Variants in LAMA2 observed in about 807,000 individuals in gnomAD.
LAMA2 encodes the protein laminin subunit alpha 2, also known as laminin subunit alpha-2.
LAMA2 carries 269 observed loss-of-function variants against 364.8 expected under a neutral mutation model. The ratio of observed to expected loss-of-function variants is 0.74; its 90% CI spans 0.67 to 0.82. The LOEUF (loss-of-function observed/expected upper bound fraction) is 0.82. LAMA2 is among the 40% of genes least tolerant of loss of function. The pLI, the probability that LAMA2 is intolerant of heterozygous loss-of-function variation, is 0.00. For missense variants in LAMA2, 3,807 were observed against 3,873.2 expected (o/e 0.98, Z 0.45); for synonymous variants, 1,379 against 1,370.6 (o/e 1.01, Z -0.14).
chr6:129,169,277 T>A (rs28768378), intron 9 of LAMA2, among the ~76,000 whole-genome samples: 39,182 of 134,860 alleles, frequency 0.29, 8,896 homozygotes, highest in African/African-American at 0.66. Context: ...TTGCCCATTC[T>A]GTATGATACT....
chr6:129,449,579 A>C (rs932079360), intron 45 of LAMA2, among the ~76,000 whole-genome samples: 4 of 152,264 alleles, frequency 2.6e-5, no homozygotes, highest in Non-Finnish European at 5.9e-5. Flanking sequence ...TGTTGGACAC[A>C]TTCAAGCCAT....
At chr6:129,508,256 G>A (rs1009591137) in intron 62 of LAMA2, among the ~76,000 whole-genome samples, 6 of 152,138 alleles carry the variant, frequency 3.9e-5, no homozygotes, top group Admixed American at 2.6e-4. Context: ...TGGGTACACA[G>A]TGGGTGTATA....
Position 129,291,716 on chromosome 6 carries a change from G to A in LAMA2, c.2852G>A (p.Cys951Tyr). ...GTTCAGGGTCAGAGATGTGACAAAT[G>A]CAAGGTAAGGAGTAGAGGCTGACCC... Reference protein sequence around the residue: ...ANVQGQRCDKCKAGTFGLQSA... With the variant: ...ANVQGQRCDKYKAGTFGLQSA... The change falls in exon 20 of 65, where the codon TGC becomes TAC. Residue 951 changes from cysteine (C) to tyrosine (Y), a missense_variant. Cys to Tyr is a radical substitution (Grantham distance 194, BLOSUM62 -2). Around this residue, in one of 3 missense-constraint regions of LAMA2, gnomAD observed 3,333 missense variants for 3,345.7 expected, o/e 1.00. Coordinates refer to ENST00000421865, the MANE Select transcript of LAMA2 (RefSeq NM_000426.4). 1 of 1,606,282 alleles carries A rather than the reference G, an allele frequency of 6.2e-7. No homozygotes were observed. Among genetic ancestry groups the A allele is most frequent in the Non-Finnish European group, 8.5e-7 (1 of 1,172,922 alleles).
At chr6:129,065,902 A>G (rs1789264084) in intron 3 of LAMA2, among the ~76,000 whole-genome samples, 2 of 151,776 alleles carry the variant, frequency 1.3e-5, no homozygotes, top group Middle Eastern at 3.4e-3. Context: ...CATTTTCCTC[A>G]TTCTCTCCTT....
At chr6:129,494,325 A>G (rs1315663202) in intron 58 of LAMA2, among the ~76,000 whole-genome samples, 2 of 152,210 alleles carry the variant, frequency 1.3e-5, no homozygotes, top group Non-Finnish European at 2.9e-5. Flanking sequence ...AGGCCAGATA[A>G]CCATCATTCA....
intron 40 of LAMA2, among the ~76,000 whole-genome samples, chr6:129,412,813 A>T (rs888812234): frequency 6.6e-6 from 1 of 152,102 alleles, no homozygotes; most frequent in African/African-American, 2.4e-5. Flanking sequence ...GTAGGCCCCT[A>T]CCATACTGGC....
At chr6:128,963,212 C>T (rs557649636) in intron 1 of LAMA2, among the ~76,000 whole-genome samples, 1 of 152,030 alleles carries the variant, frequency 6.6e-6, no homozygotes, top group South Asian at 2.1e-4. Flanking sequence ...GTATTTTTAC[C>T]TTTCTTCCCT....
chr6:129,186,786 A>G (rs1158788870), intron 10 of LAMA2, among the ~76,000 whole-genome samples: 2 of 151,704 alleles, frequency 1.3e-5, no homozygotes, highest in African/African-American at 4.8e-5. Flanking sequence ...CCGCCTCATC[A>G]GAAAGTACAT....
chr6:129,498,786 C>T (rs547436545), intron 58 of LAMA2, among the ~76,000 whole-genome samples: 3 of 152,326 alleles, frequency 2.0e-5, no homozygotes, highest in African/African-American at 7.2e-5. Flanking sequence ...AATCTCTGCT[C>T]AGGACCCAGG....
intron 4 of LAMA2, among the ~76,000 whole-genome samples, chr6:129,123,801 C>T (rs1403433083): frequency 1.3e-5 from 2 of 152,122 alleles, no homozygotes; most frequent in Non-Finnish European, 2.9e-5. Context: ...ATTAAGTCCT[C>T]GAGATCTACT....
At chr6:129,256,514 T>G (rs1000782990) in intron 14 of LAMA2, among the ~76,000 whole-genome samples, 1 of 151,924 alleles carries the variant, frequency 6.6e-6, no homozygotes, top group Admixed American at 6.6e-5. Flanking sequence ...ATACTGTACA[T>G]TTATGATAAT....
chr6:129,135,270 G>A (rs1777721333), intron 4 of LAMA2, among the ~76,000 whole-genome samples: 1 of 152,124 alleles, frequency 6.6e-6, no homozygotes, highest in South Asian at 2.1e-4. Context: ...AGAATGAAGG[G>A]AAGGTACATG....
At chr6:129,398,472 C>CTTTTTTTTTTTTTTTTT (rs71028159) in intron 37 of LAMA2, among the ~76,000 whole-genome samples, 1 of 110,552 alleles carries the variant, frequency 9.0e-6, no homozygotes, top group African/African-American at 3.6e-5. Context: ...CTTTTCTTTT[C>CTTTTTTTTTTTTTTTTT]TTTTTTTTTT....
At chr6:129,358,763 A>G (rs950857516) in intron 32 of LAMA2, among the ~76,000 whole-genome samples, 13 of 152,052 alleles carry the variant, frequency 8.5e-5, no homozygotes, top group African/African-American at 3.1e-4. Context: ...CATTGTTATC[A>G]TCATTGTTAT....
At chr6:129,402,802 T>C (rs577652969) in intron 39 of LAMA2, among the ~76,000 whole-genome samples, 4 of 152,380 alleles carry the variant, frequency 2.6e-5, no homozygotes, top group African/African-American at 9.6e-5. Context: ...ATTAGCATTT[T>C]AAATAACATA....
At chr6:128,910,674 T>A (rs868642338) in intron 1 of LAMA2, among the ~76,000 whole-genome samples, 4 of 152,228 alleles carry the variant, frequency 2.6e-5, no homozygotes, top group Non-Finnish European at 5.9e-5. Context: ...GTTCTGTTGT[T>A]GGTGAGGAAC....
chr6:129,347,340 A>T (rs991891630), intron 30 of LAMA2, among the ~76,000 whole-genome samples: 6 of 152,126 alleles, frequency 3.9e-5, no homozygotes, highest in Admixed American at 3.9e-4. Context: ...TTACTTTTAG[A>T]TCTGCGAAGG....
intron 22 of LAMA2, among the ~76,000 whole-genome samples, chr6:129,311,417 G>T (rs1011332874): frequency 6.6e-6 from 1 of 152,132 alleles, no homozygotes; most frequent in Admixed American, 6.5e-5. Context: ...CACCGCGCCC[G>T]GCCTAATGAA....
At chr6:129,167,318 C>T (rs867951502) in intron 9 of LAMA2, among the ~76,000 whole-genome samples, 3 of 130,594 alleles carry the variant, frequency 2.3e-5, no homozygotes, top group Non-Finnish European at 4.8e-5. Context: ...CCCCTCCCCC[C>T]ACCCCACAAC....
Sources: allele counts gnomAD v4.1 joint callset (sites outside exome capture counted in the v4.1 genomes callset), GRCh38; gene constraint gnomAD v4.1.1; regional missense constraint gnomAD v4.1.1; transcripts MANE v1.5; gene names NCBI Gene and HGNC (gene_info 2026-07-23, HGNC 2026-07-21).